Variants in CLIC5 observed in about 807,000 individuals in gnomAD.
CLIC5 encodes CLIC family member 5.
CLIC5 carries 20 observed loss-of-function variants against 24.7 expected under a neutral mutation model. The ratio of observed to expected loss-of-function variants is 0.81; its 90% confidence interval spans 0.57 to 1.18. The LOEUF (loss-of-function observed/expected upper bound fraction) is 1.18. Among genes scored for constraint, CLIC5 ranks in the 50% most tolerant of loss-of-function variants. The pLI is 0.00. For missense variants in CLIC5, 341 were observed against 326.1 expected (o/e 1.05, Z -0.35); for synonymous variants, 159 against 135.6 (o/e 1.17, Z -1.20).
intron 1 of CLIC5, among the ~76,000 whole-genome samples, chr6:45,980,943 C>T (rs1473722268): frequency 6.6e-6 from 1 of 152,006 alleles, no homozygotes; most frequent in Non-Finnish European, 1.5e-5. Context: ...ACCCTTATTA[C>T]AGGTTCATTT....
intron 1 of CLIC5, among the ~76,000 whole-genome samples, chr6:46,011,938 C>T (rs1766824149): frequency 1.3e-5 from 2 of 152,180 alleles, no homozygotes; most frequent in African/African-American, 4.8e-5. Flanking sequence ...CGTGCAGGTC[C>T]AGAAAGGTTC....
At chr6:45,940,318 C>G (rs1363607160) in intron 4 of CLIC5, among the ~76,000 whole-genome samples, 4 of 152,206 alleles carry the variant, frequency 2.6e-5, no homozygotes, top group Admixed American at 2.6e-4. Flanking sequence ...ATCAAACTGA[C>G]TTGAAGCCTG....
At chr6:46,075,874 T>A (rs906708591) in intron 1 of CLIC5, among the ~76,000 whole-genome samples, 3 of 152,184 alleles carry the variant, frequency 2.0e-5, no homozygotes, top group African/African-American at 7.2e-5. Context: ...TAGCTCACTA[T>A]AATCTCTAGA....
intron 1 of CLIC5, among the ~76,000 whole-genome samples, chr6:46,035,010 T>C (rs888757097): frequency 1.2e-4 from 19 of 152,352 alleles, no homozygotes; most frequent in African/African-American, 4.6e-4. Context: ...CAGCATTAAA[T>C]GGCACCTGAT....
At chr6:45,920,757 G>T in intron 4 of CLIC5, 1 of 587,018 alleles carries the variant, frequency 1.7e-6, no homozygotes, top group Non-Finnish European at 2.1e-6. Context: ...GAGCAAGCGG[G>T]ATGTAGGAGC....
In CLIC5 at chr6:46,027,509, A is replaced by G. The variant is rs115188894; in HGVS notation, c.540+52194T>C. Among the ~76,000 whole-genome samples the G allele has an allele frequency of 7.2e-3, 1,098 of 152,336 alleles. 13 individuals carry two copies. Among genetic ancestry groups the G allele is most frequent in the African/African-American group, 0.024 (1,014 of 41,566 alleles). On this transcript the variant is annotated intron_variant, in intron 1 of 5. Transcript: ENST00000185206. ...ATATTATTCAACCTTTGTAGTTTCAATACATCGTTGGAGAAAATCTGCCCA... is the reference window on the plus strand; with the variant it reads ...ATATTATTCAACCTTTGTAGTTTCAGTACATCGTTGGAGAAAATCTGCCCA...
At chr6:45,951,982 A>G (rs3777587) in intron 2 of CLIC5, among the ~76,000 whole-genome samples, 133,186 of 152,248 alleles carry the variant, frequency 0.87, 58,732 homozygotes, top group Non-Finnish European at 0.9. Flanking sequence ...TAGTCCCTTT[A>G]TTTACTTTGT....
chr6:46,041,297 C>T (rs1767800642), intron 1 of CLIC5, among the ~76,000 whole-genome samples: 1 of 152,102 alleles, frequency 6.6e-6, no homozygotes, highest in African/African-American at 2.4e-5. Context: ...ACTGCTATAC[C>T]TTGCATTGCA....
chr6:46,094,008 A>C, the CLIC5 span, among the ~76,000 whole-genome samples: 2 of 152,228 alleles, frequency 1.3e-5, no homozygotes, highest in African/African-American at 2.4e-5. Flanking sequence ...TCATGCCAGA[A>C]GGCAACGCAG....
At chr6:45,903,345 G>T in intron 5 of CLIC5, 90 bp from the exon 6 acceptor site, 1 of 1,202,416 alleles carries the variant, frequency 8.3e-7, no homozygotes, top group Non-Finnish European at 1.1e-6. Context: ...TGTGTGCACT[G>T]CAGGAAACCT....
At chr6:45,886,652 A>G (rs2127281618) in intron 6 of CLIC5, among the ~76,000 whole-genome samples, 1 of 152,304 alleles carries the variant, frequency 6.6e-6, no homozygotes, top group East Asian at 1.9e-4. Flanking sequence ...ACTGCCAAAT[A>G]AGTAAGTCCT....
intron 4 of CLIC5, among the ~76,000 whole-genome samples, chr6:45,924,599 C>A (rs1763403899): frequency 6.6e-6 from 1 of 152,028 alleles, no homozygotes. Flanking sequence ...ATTTTTCCAG[C>A]ACCAAAGGAG....
chr6:46,111,181 C>CAT, the CLIC5 span, among the ~76,000 whole-genome samples: 1 of 143,142 alleles, frequency 7.0e-6, no homozygotes, highest in Non-Finnish European at 1.5e-5. Flanking sequence ...CAAACCTGTC[C>CAT]TTTTTTTTTT....
At chr6:45,929,733 G>A (rs747476335) in intron 4 of CLIC5, among the ~76,000 whole-genome samples, 7 of 152,130 alleles carry the variant, frequency 4.6e-5, no homozygotes, top group Non-Finnish European at 8.8e-5. Flanking sequence ...CCTCTGCAGC[G>A]GTCTTCCTGG....
chr6:46,099,234 T>G, the CLIC5 span, among the ~76,000 whole-genome samples: 2 of 152,212 alleles, frequency 1.3e-5, no homozygotes, highest in Admixed American at 1.3e-4. Flanking sequence ...AAAACTCTTG[T>G]TGGTCTTTAG....
the CLIC5 span, chr6:46,122,833 G>T: frequency 6.6e-6 from 1 of 152,186 alleles, no homozygotes; most frequent in Admixed American, 6.5e-5. Context: ...GAATCTAGAA[G>T]AAATGGATAA....
the CLIC5 span, among the ~76,000 whole-genome samples, chr6:46,125,322 A>C: frequency 2.0e-5 from 3 of 152,152 alleles, no homozygotes; most frequent in Non-Finnish European, 4.4e-5. Context: ...AAACTATCGC[A>C]AGGACAAAAA....
chr6:45,907,734 C>G (rs977961667), intron 5 of CLIC5, among the ~76,000 whole-genome samples: 1 of 152,054 alleles, frequency 6.6e-6, no homozygotes, highest in Non-Finnish European at 1.5e-5. Context: ...GTTTCAATTT[C>G]TTCCCAATTC....
At chr6:45,948,718 T>C (rs1381678718) in intron 3 of CLIC5, among the ~76,000 whole-genome samples, 1 of 152,174 alleles carries the variant, frequency 6.6e-6, no homozygotes, top group African/African-American at 2.4e-5. Context: ...CTACGGTCTA[T>C]ACTCTCCCTG....
Sources: gnomAD v4.1 joint callset for allele counts (sites outside exome capture counted in the v4.1 genomes callset) on GRCh38, gnomAD v4.1.1 for gene constraint, MANE v1.5 for transcripts, NCBI Gene and HGNC (gene_info 2026-07-23, HGNC 2026-07-21) for gene names.